The following PSAP variants were observed in gnomAD, a reference collection of about 807,000 sequenced individuals.
The protein encoded by PSAP is precursor of saposins.
Under a neutral mutation model 66.0 loss-of-function variants are expected in PSAP, and 25 were observed. The ratio of observed to expected loss-of-function variants is 0.38; its 90% confidence interval spans 0.28 to 0.53. PSAP has a LOEUF of 0.53. Ranked by LOEUF, PSAP falls within the 20% of genes least tolerant of loss-of-function variation. PSAP has a pLI of 0.83. For synonymous variants in PSAP, 273 were observed against 258.9 expected (o/e 1.05, Z -0.52); for missense variants, 649 against 668.8 (o/e 0.97, Z 0.33).
At chr10:71,846,341 T>C (rs756586289) in intron 1 of PSAP, among the ~76,000 whole-genome samples, 24 of 135,392 alleles carry the variant, frequency 1.8e-4, no homozygotes, top group Non-Finnish European at 3.0e-4. Flanking sequence ...CTTCATGTAA[T>C]AAAAAATAAA....
intron 1 of PSAP, among the ~76,000 whole-genome samples, chr10:71,835,476 G>A (rs979287037): frequency 2.0e-5 from 3 of 152,114 alleles, no homozygotes; most frequent in African/African-American, 7.2e-5. Flanking sequence ...AGAGACTGAG[G>A]TGGGAGGATA....
intron 7 of PSAP, chr10:71,823,968 T>A: frequency 8.6e-7 from 1 of 1,166,502 alleles, no homozygotes. Flanking sequence ...TTAAGAAAAA[T>A]TAAAACAACA....
At chr10:71,850,927 C>A (rs1368129613) in intron 1 of PSAP, among the ~76,000 whole-genome samples, 1 of 152,226 alleles carries the variant, frequency 6.6e-6, no homozygotes, top group African/African-American at 2.4e-5. Flanking sequence ...CGCGCAGGAA[C>A]CCACTCGAGC....
chr10:71,827,508 C>T (rs552407981), intron 6 of PSAP, among the ~76,000 whole-genome samples: 2 of 152,158 alleles, frequency 1.3e-5, no homozygotes, highest in African/African-American at 4.8e-5. Context: ...GGGCAGATCA[C>T]TTGAGATCAG....
chr10:71,822,212 T>G (rs1842316054), intron 7 of PSAP: 5 of 652,298 alleles, frequency 7.7e-6, no homozygotes, highest in Non-Finnish European at 1.3e-5. Flanking sequence ...CAGTTACATC[T>G]CGGGGAGGAG....
chr10:71,827,171 C>T (rs1287602443), intron 6 of PSAP, among the ~76,000 whole-genome samples: 4 of 151,330 alleles, frequency 2.6e-5, no homozygotes, highest in East Asian at 3.9e-4. Context: ...CCGAGGCAGG[C>T]GGATCATGAG....
chr10:71,841,717 A>G (rs1419797818), intron 1 of PSAP, among the ~76,000 whole-genome samples: 2 of 152,162 alleles, frequency 1.3e-5, no homozygotes, highest in African/African-American at 4.8e-5. Flanking sequence ...CTAAAAATAC[A>G]AAAAATGGCC....
chr10:71,823,905 C>T, intron 7 of PSAP: 1 of 1,294,782 alleles, frequency 7.7e-7, no homozygotes. Context: ...TGCTGTTGAA[C>T]AAAAAAACAG....
chr10:71,843,965 G>A (rs1167386535), intron 1 of PSAP, among the ~76,000 whole-genome samples: 1 of 152,194 alleles, frequency 6.6e-6, no homozygotes, highest in Non-Finnish European at 1.5e-5. Context: ...TAACTTTTCT[G>A]TAAATCTAAC....
intron 1 of PSAP, among the ~76,000 whole-genome samples, chr10:71,842,002 T>C (rs1842741149): frequency 7.0e-6 from 1 of 143,480 alleles, no homozygotes. Flanking sequence ...TGAGACTCCG[T>C]CTTAAAAAAA....
Position 71,821,765 on chromosome 10 carries a change from G to A in PSAP, c.909+111C>T, listed in dbSNP as rs1030109821. ...ATCACAAACTCAAAGACCTTTAGGA[G>A]CCAGGCAGGGAACCGAAAGAAACAA... On this transcript the variant is annotated intron_variant, in intron 8 of 13. Transcript: ENST00000394936. 30 of 1,448,154 alleles carry A rather than the reference G, an allele frequency of 2.1e-5. No individual in the cohort carries two copies. The East Asian group carries it at 6.1e-4, about 29-fold the overall frequency. 89.7% of individuals were successfully genotyped at this position (1,448,154 alleles called of 1,614,324 possible).
intron 3 of PSAP, 43 bp from the exon 4 acceptor site, chr10:71,831,294 C>G: frequency 6.2e-7 from 1 of 1,609,482 alleles, no homozygotes; most frequent in Middle Eastern, 1.9e-4. Context: ...AGGCTTTCCT[C>G]CCTGGAAATA....
At chr10:71,818,503 A>G (rs1363311097) in intron 13 of PSAP, 114 bp downstream of exon 13, 5 of 969,794 alleles carry the variant, frequency 5.2e-6, no homozygotes, top group South Asian at 2.6e-5. Flanking sequence ...CAGCTTTCTG[A>G]TAACATAAAA....
At chr10:71,837,009 T>C (rs771928442) in intron 1 of PSAP, among the ~76,000 whole-genome samples, 57 of 152,204 alleles carry the variant, frequency 3.7e-4, no homozygotes, top group Non-Finnish European at 6.9e-4. Context: ...ATCCATGACC[T>C]ACTGAATGGC....
chr10:71,833,667 GCT>G (rs1331882604), intron 2 of PSAP, among the ~76,000 whole-genome samples: 5 of 152,224 alleles, frequency 3.3e-5, no homozygotes, highest in Non-Finnish European at 4.4e-5. Context: ...CAGGGCAGCA[GCT>G]CTGTGTTGAG....
At chr10:71,844,378 G>T (rs1246404778) in intron 1 of PSAP, among the ~76,000 whole-genome samples, 2 of 152,212 alleles carry the variant, frequency 1.3e-5, no homozygotes, top group African/African-American at 2.4e-5. Flanking sequence ...GAACAGAAAT[G>T]ATACAGGCCA....
At chr10:71,834,692 T>C (rs748384601) in intron 1 of PSAP, among the ~76,000 whole-genome samples, 187 bp from the exon 2 acceptor site, 1 of 152,190 alleles carries the variant, frequency 6.6e-6, no homozygotes, top group Non-Finnish European at 1.5e-5. Flanking sequence ...GGCTTGTCTG[T>C]CACAGGGCTA....
chr10:71,850,033 T>C (rs1842897971), intron 1 of PSAP, among the ~76,000 whole-genome samples: 2 of 150,068 alleles, frequency 1.3e-5, no homozygotes, highest in South Asian at 2.1e-4. Context: ...AATCTGACTC[T>C]GGCATAACAT....
At chr10:71,831,723 T>A in intron 3 of PSAP, 123 bp downstream of exon 3, 1 of 941,594 alleles carries the variant, frequency 1.1e-6, no homozygotes, top group Non-Finnish European at 1.7e-6. Flanking sequence ...TGATCCTTTG[T>A]GGAAGACATT....
Sources: gnomAD v4.1 joint callset for allele counts (sites outside exome capture counted in the v4.1 genomes callset) on GRCh38, gnomAD v4.1.1 for gene constraint, MANE v1.5 for transcripts, NCBI Gene and HGNC (gene_info 2026-07-23, HGNC 2026-07-21) for gene names.